The following PCDHGA9 variants were observed in gnomAD, a reference collection of about 807,000 sequenced individuals.
The protein encoded by PCDHGA9 is protocadherin gamma-A9.
PCDHGA9 carries 37 observed loss-of-function variants against 62.5 expected under a neutral mutation model. The ratio of observed to expected loss-of-function variants is 0.59; its 90% CI spans 0.46 to 0.78. The LOEUF is 0.78. PCDHGA9 is among the 30% of genes least tolerant of loss of function. The pLI is 0.00. For missense variants in PCDHGA9, 1,138 were observed against 1,166.2 expected, an observed-to-expected ratio of 0.98 and a Z score of 0.35; for synonymous variants, 459 against 484.6, an observed-to-expected ratio of 0.95 and a Z score of 0.69.
chr5:141,443,183 TTCTC>T (rs2098370937), intron 1 of PCDHGA9, among the ~76,000 whole-genome samples: 1 of 152,184 alleles, frequency 6.6e-6, no homozygotes, highest in Non-Finnish European at 1.5e-5. Context: ...CACTGCATCA[TTCTC>T]TATAGTACAA....
At chr5:141,409,870 T>C in intron 1 of PCDHGA9, 1 of 1,612,788 alleles carries the variant, frequency 6.2e-7, no homozygotes, top group Non-Finnish European at 8.5e-7. Flanking sequence ...GAGACCGCAA[T>C]GACAACGCAC....
intron 1 of PCDHGA9, chr5:141,422,076 G>C (rs2096622180): frequency 1.2e-6 from 2 of 1,612,270 alleles, no homozygotes; most frequent in South Asian, 1.1e-5. Flanking sequence ...ATTCATTTCG[G>C]AACATGGAAA....
intron 2 of PCDHGA9, among the ~76,000 whole-genome samples, chr5:141,504,621 T>A (rs1185981312): frequency 7.9e-6 from 1 of 126,856 alleles, no homozygotes; most frequent in Non-Finnish European, 1.6e-5. Flanking sequence ...GATAGGAAAG[T>A]GCACCTTGGA....
chr5:141,448,329 A>T (rs1166759766), intron 1 of PCDHGA9, among the ~76,000 whole-genome samples: 1 of 152,146 alleles, frequency 6.6e-6, no homozygotes, highest in Non-Finnish European at 1.5e-5. Context: ...TTGAATCTTT[A>T]TAGCCATGTA....
intron 1 of PCDHGA9, chr5:141,410,849 CTTTTTTTTTTTTTT>C (rs759346998): frequency 7.7e-6 from 1 of 129,786 alleles, no homozygotes; most frequent in African/African-American, 6.0e-5. Context: ...TTGTCTTTGT[CTTTTTTTTTTTTTT>C]TTTTTTTTGA....
chr5:141,485,641 G>T lies in PCDHGA9; in HGVS notation c.2425-9166G>T. The T allele has an allele frequency of 6.2e-7, 1 of 1,612,012 alleles. No individual in the cohort carries two copies. Among genetic ancestry groups the T allele is most frequent in the Non-Finnish European group, 8.5e-7 (1 of 1,178,470 alleles). On this transcript the variant is annotated intron_variant, in intron 1 of 3. Transcript: ENST00000573521. The surrounding 1 kb of genome is among the most constrained non-coding windows in gnomAD (Gnocchi z 5.7). Reference sequence around the variant, plus strand: ...CAGGACAGCGTTTCCCGTTGGAAAAGGCTCAGGATGCAGATGTGGGGAGCA... The same window carrying T: ...CAGGACAGCGTTTCCCGTTGGAAAATGCTCAGGATGCAGATGTGGGGAGCA...
intron 1 of PCDHGA9, among the ~76,000 whole-genome samples, chr5:141,472,313 A>G (rs1411876003): frequency 6.7e-6 from 1 of 150,164 alleles, no homozygotes; most frequent in East Asian, 2.0e-4. Context: ...AAGCCGAGGC[A>G]GGCAGATCAC....
intron 1 of PCDHGA9, among the ~76,000 whole-genome samples, chr5:141,469,162 G>A (rs2099192596): frequency 6.6e-6 from 1 of 152,062 alleles, no homozygotes; most frequent in Admixed American, 6.6e-5. Flanking sequence ...TGTAGTCCCA[G>A]CTACTTGGGA....
chr5:141,494,812 C>G lies in PCDHGA9; in HGVS notation c.2430C>G (p.Ala810=). The part of the protein sequence containing the change: ...PIEDTPLVPQ[A]PPNTDWRFSQ... ...TCCCTCTGTTTTCTCCACAGCAAGCCCCGCCCAACACGGACTGGCGTTTCT... is the reference window on the plus strand; with the variant it reads ...TCCCTCTGTTTTCTCCACAGCAAGCGCCGCCCAACACGGACTGGCGTTTCT... The change falls in exon 2 of 4, where the codon GCC becomes GCG. Residue 810 remains alanine, a synonymous_variant. Coordinates refer to ENST00000573521, the MANE Select transcript of PCDHGA9 (RefSeq NM_018921.3). 4 of 1,614,146 alleles carry G rather than the reference C, an allele frequency of 2.5e-6. No homozygotes were observed. The highest frequency in any genetic ancestry group is 3.4e-6 in the Non-Finnish European group (4 of 1,180,016).
At chr5:141,459,442 A>G (rs2098968073) in intron 1 of PCDHGA9, among the ~76,000 whole-genome samples, 1 of 152,198 alleles carries the variant, frequency 6.6e-6, no homozygotes, top group South Asian at 2.1e-4. Context: ...CATTCATTCA[A>G]CTGTTGGTGG....
chr5:141,456,715 A>G (rs2098881350), intron 1 of PCDHGA9, among the ~76,000 whole-genome samples: 1 of 152,204 alleles, frequency 6.6e-6, no homozygotes, highest in South Asian at 2.1e-4. Flanking sequence ...CTGTAATCCC[A>G]GCACTTTGGG....
chr5:141,470,113 A>C (rs1209326739), intron 1 of PCDHGA9, among the ~76,000 whole-genome samples: 1 of 152,126 alleles, frequency 6.6e-6, no homozygotes, highest in Non-Finnish European at 1.5e-5. Context: ...TGAGCAACAG[A>C]GCAAGACTTC....
chr5:141,475,384 A>T (rs2099362853), intron 1 of PCDHGA9, among the ~76,000 whole-genome samples: 1 of 152,370 alleles, frequency 6.6e-6, no homozygotes, highest in East Asian at 1.9e-4. Flanking sequence ...TTTAAATTTT[A>T]TAAGCCAGAG....
intron 3 of PCDHGA9, among the ~76,000 whole-genome samples, chr5:141,506,833 C>A (rs1462038297): frequency 1.3e-5 from 2 of 152,092 alleles, no homozygotes; most frequent in African/African-American, 4.8e-5. Context: ...AACTGATAGC[C>A]CTGCCCTCCA....
At chr5:141,498,318 G>T (rs927950671) in intron 2 of PCDHGA9, among the ~76,000 whole-genome samples, 2 of 151,792 alleles carry the variant, frequency 1.3e-5, no homozygotes, top group African/African-American at 4.8e-5. Flanking sequence ...TGCCTACACA[G>T]AAGGAAGAGC....
Position 141,431,646 on chromosome 5 carries a change from G to A in PCDHGA9, c.2424+26270G>A. ...GCGGCCCAAGTTTTCAAACTAGATT[G>A]TAATTCAGGGACAATATCAACAATA... On this transcript the variant is annotated intron_variant, in intron 1 of 3. Coordinates refer to ENST00000573521, the MANE Select transcript of PCDHGA9 (RefSeq NM_018921.3). The surrounding 1 kb of genome is among the most constrained non-coding windows in gnomAD (Gnocchi z 4.8). 2 of 1,614,252 alleles carry A rather than the reference G, an allele frequency of 1.2e-6. No individual in the cohort carries two copies. Among genetic ancestry groups the A allele is most frequent in the Non-Finnish European group, 1.7e-6 (2 of 1,180,046 alleles).
intron 1 of PCDHGA9, among the ~76,000 whole-genome samples, chr5:141,449,342 C>T (rs895923034): frequency 3.3e-5 from 5 of 151,854 alleles, no homozygotes; most frequent in Non-Finnish European, 5.9e-5. Context: ...TGCAGTGGCT[C>T]ACTCCTGTAA....
Position 141,490,397 on chromosome 5 carries a change from G to A in PCDHGA9, c.2425-4410G>A. 6.2e-7 allele frequency: 1 copy of A among 1,614,170 alleles called. No individual in the cohort carries two copies. Among genetic ancestry groups the A allele is most frequent in the South Asian group, 1.1e-5 (1 of 91,080 alleles). On this transcript the variant is annotated intron_variant, in intron 1 of 3. Coordinates refer to ENST00000573521, the MANE Select transcript of PCDHGA9 (RefSeq NM_018921.3). This position sits in a 1 kb window ranked among gnomAD's most constrained non-coding sequence, Gnocchi z 5.4. ...GACTCAGGTAGAAATGGTGAAGTGA[G>A]CCTTGATATCTCTCCGGACCTGCCA...
At chr5:141,488,872 T>C (rs773185475) in intron 1 of PCDHGA9, among the ~76,000 whole-genome samples, 4 of 151,794 alleles carry the variant, frequency 2.6e-5, no homozygotes, top group Non-Finnish European at 5.9e-5. Flanking sequence ...AGTGGGGAGG[T>C]AGGAAGCTTC....
Sources: allele counts gnomAD v4.1 joint callset (sites outside exome capture counted in the v4.1 genomes callset), GRCh38; gene constraint gnomAD v4.1.1; non-coding constraint Gnocchi (gnomAD v3.1); transcripts MANE v1.5; gene names NCBI Gene and HGNC (gene_info 2026-07-23, HGNC 2026-07-21).